The following CDKAL1 variants were observed in gnomAD, a reference collection of about 807,000 sequenced individuals.
CDKAL1 encodes CDKAL1 threonylcarbamoyladenosine tRNA methylthiotransferase, also known as threonylcarbamoyladenosine tRNA methylthiotransferase.
In CDKAL1, 32 loss-of-function variants were observed where a neutral mutation model predicts 68.2. The observed-to-expected ratio is 0.47, with a 90% confidence interval of 0.35 to 0.63. The LOEUF is 0.63. Among genes scored for constraint, CDKAL1 ranks in the 30% least tolerant of loss-of-function variants. The pLI is 0.00. For missense variants in CDKAL1, 606 were observed against 696.7 expected, an observed-to-expected ratio of 0.87 and a Z score of 1.47; for synonymous variants, 234 against 244.3, an observed-to-expected ratio of 0.96 and a Z score of 0.39.
At chr6:20,606,421 C>T (rs976711930) in intron 4 of CDKAL1, among the ~76,000 whole-genome samples, 1 of 152,048 alleles carries the variant, frequency 6.6e-6, no homozygotes, top group African/African-American at 2.4e-5. Context: ...CAGTTAAGGT[C>T]GGCCGGATTG....
chr6:21,006,319 T>G lies in CDKAL1; in HGVS notation c.1055+5947T>G, dbSNP rs369969231. Among the ~76,000 whole-genome samples the G allele has an allele frequency of 1.3e-4, 20 of 152,276 alleles. No individual in the cohort carries two copies. The East Asian group carries it at 1.7e-3, about 13-fold the overall frequency. ...ATAAATGCAAAAGAAAAAAAAAGAA[T>G]GATTCAGCAAGGATTAGATAATTAT... On this transcript the variant is annotated intron_variant, in intron 11 of 15. Coordinates refer to ENST00000274695, the MANE Select transcript of CDKAL1 (RefSeq NM_017774.3).
chr6:20,715,431 A>G (rs780681139), intron 5 of CDKAL1, among the ~76,000 whole-genome samples: 16 of 152,292 alleles, frequency 1.1e-4, no homozygotes, highest in Non-Finnish European at 1.8e-4. Context: ...TGTATTCACC[A>G]CATTTACTCT....
At chr6:20,819,655 C>T (rs536288954) in intron 8 of CDKAL1, among the ~76,000 whole-genome samples, 2 of 152,184 alleles carry the variant, frequency 1.3e-5, no homozygotes, top group African/African-American at 4.8e-5. Flanking sequence ...TGTGCTATAT[C>T]GAACGCTTTG....
At chr6:20,973,903 C>T (rs780629787) in intron 10 of CDKAL1, among the ~76,000 whole-genome samples, 1 of 152,180 alleles carries the variant, frequency 6.6e-6, no homozygotes, top group Non-Finnish European at 1.5e-5. Context: ...CCCTGCCTGG[C>T]CTGGGTCATC....
At chr6:20,591,720 C>T (rs571478190) in intron 4 of CDKAL1, among the ~76,000 whole-genome samples, 5 of 152,124 alleles carry the variant, frequency 3.3e-5, no homozygotes, top group African/African-American at 7.2e-5. Context: ...TATTCTGTTC[C>T]GTTGGTCTAT....
chr6:20,676,802 A>G (rs1048646708), intron 5 of CDKAL1, among the ~76,000 whole-genome samples: 1 of 152,170 alleles, frequency 6.6e-6, no homozygotes, highest in Non-Finnish European at 1.5e-5. Flanking sequence ...CATCTAGTGT[A>G]GTAACATGCT....
intron 13 of CDKAL1, among the ~76,000 whole-genome samples, chr6:21,123,277 A>C (rs978219021): frequency 1.3e-5 from 2 of 152,150 alleles, no homozygotes; most frequent in Non-Finnish European, 2.9e-5. Flanking sequence ...CAACATGGTG[A>C]AACCCCATCT....
chr6:20,896,445 G>A (rs1761698101), intron 9 of CDKAL1, among the ~76,000 whole-genome samples: 1 of 152,058 alleles, frequency 6.6e-6, no homozygotes. Flanking sequence ...AATGGGGTAG[G>A]AAGAATAGAT....
At chr6:21,004,550 G>A (rs1007723229) in intron 11 of CDKAL1, among the ~76,000 whole-genome samples, 4 of 152,168 alleles carry the variant, frequency 2.6e-5, no homozygotes, top group African/African-American at 9.7e-5. Flanking sequence ...CATTAACTGA[G>A]TAATTTGATG....
intron 8 of CDKAL1, among the ~76,000 whole-genome samples, chr6:20,836,962 C>G (rs1777976191): frequency 6.6e-6 from 1 of 152,172 alleles, no homozygotes; most frequent in African/African-American, 2.4e-5. Context: ...CATTTTCTCT[C>G]TCTGGTAAAT....
intron 9 of CDKAL1, among the ~76,000 whole-genome samples, chr6:20,914,646 A>G (rs1762639164): frequency 6.6e-6 from 1 of 152,220 alleles, no homozygotes; most frequent in Non-Finnish European, 1.5e-5. Flanking sequence ...AGATATTAAC[A>G]CTACTTGGAT....
At chr6:21,052,595 A>G (rs77714578) in intron 11 of CDKAL1, among the ~76,000 whole-genome samples, 1 of 149,206 alleles carries the variant, frequency 6.7e-6, no homozygotes, top group Non-Finnish European at 1.5e-5. Context: ...CTGGCCATGA[A>G]CTCCTGGCTT....
intron 15 of CDKAL1, among the ~76,000 whole-genome samples, chr6:21,214,282 T>C (rs1290473685): frequency 6.6e-6 from 1 of 151,970 alleles, no homozygotes; most frequent in East Asian, 1.9e-4. Context: ...TGCCACTAAA[T>C]TGTGTACTTC....
chr6:20,859,235 T>G (rs573924237), intron 9 of CDKAL1, among the ~76,000 whole-genome samples: 1 of 152,032 alleles, frequency 6.6e-6, no homozygotes, highest in South Asian at 2.1e-4. Context: ...ATAAATGGTG[T>G]TCGCTGCACT....
At position 20,936,212 on chromosome 6, in the gene CDKAL1, A is replaced by T. The variant is rs572764920; in HGVS notation, c.743-19207A>T. Among the ~76,000 whole-genome samples, 178 of 148,096 alleles carry T rather than the reference A, an allele frequency of 1.2e-3. 1 individual carries two copies. Among genetic ancestry groups the T allele is most frequent in the African/African-American group, 3.3e-3 (133 of 40,192 alleles). On this transcript the variant is annotated intron_variant, in intron 9 of 15. Transcript: ENST00000274695. ...TTAAAGCTTTTCTGTACATTTTTTT[A>T]AAAAAATTCTGTGTCACAGTGTCTC... is the stretch of plus-strand genomic sequence containing the variant.
intron 6 of CDKAL1, among the ~76,000 whole-genome samples, chr6:20,757,564 AC>A (rs1225036111): frequency 1.3e-5 from 2 of 152,068 alleles, no homozygotes; most frequent in Non-Finnish European, 2.9e-5. Context: ...ACACACACAC[AC>A]ACACACCCTC....
At chr6:20,566,033 TAAGTG>T (rs1454367863) in intron 4 of CDKAL1, among the ~76,000 whole-genome samples, 1 of 152,056 alleles carries the variant, frequency 6.6e-6, no homozygotes, top group Non-Finnish European at 1.5e-5. Context: ...CAAAGATAGT[TAAGTG>T]TCCCAAAAAT....
intron 7 of CDKAL1, among the ~76,000 whole-genome samples, chr6:20,777,623 CAA>C (rs1352303342): frequency 2.0e-5 from 3 of 151,988 alleles, no homozygotes; most frequent in Admixed American, 1.3e-4. Flanking sequence ...TCATAGAAAA[CAA>C]AACGGAAAAA....
intron 9 of CDKAL1, among the ~76,000 whole-genome samples, chr6:20,944,372 G>A (rs114325839): frequency 8.7e-5 from 4 of 45,894 alleles, no homozygotes; most frequent in African/African-American, 1.3e-4. Flanking sequence ...TTTTTGAGAC[G>A]GAGTCTCACT....
Sources: gnomAD v4.1 joint callset for allele counts (sites outside exome capture counted in the v4.1 genomes callset) on GRCh38, gnomAD v4.1.1 for gene constraint, MANE v1.5 for transcripts, NCBI Gene and HGNC (gene_info 2026-07-23, HGNC 2026-07-21) for gene names.